SNX13: variants seen among roughly 807,000 people sequenced by gnomAD.
The protein encoded by SNX13 is sorting nexin-13.
SNX13 carries 45 observed loss-of-function variants against 133.6 expected under a neutral mutation model. The observed-to-expected ratio is 0.34, with a 90% CI of 0.27 to 0.43. The LOEUF (loss-of-function observed/expected upper bound fraction) is 0.43, where lower values mean the gene tolerates loss of function less well. SNX13 is among the 20% of genes least tolerant of loss of function. The probability of loss-of-function intolerance (pLI) is 1.00; values close to 1 mark genes in which losing one functional copy is unlikely to be tolerated. For synonymous variants in SNX13, 414 were observed against 373.9 expected, an observed-to-expected ratio of 1.11 and a Z score of -1.24; for missense variants, 1,032 against 1,145.1, an observed-to-expected ratio of 0.90 and a Z score of 1.43.
rs140381912 is a variant in SNX13 at position 17,913,628 on chromosome 7, G to A, written c.13-16182C>T. On this transcript the variant is annotated intron_variant, in intron 1 of 25. Transcript: ENST00000428135. ...TCTGCAACCAAGGAACCCATACAGA[G>A]CCTTGGCCCTCTGAAAGCACCCAGA... is the stretch of plus-strand genomic sequence containing the variant. Among the ~76,000 whole-genome samples the A allele has an allele frequency of 1.6e-3, 241 of 151,968 alleles. 2 individuals are homozygous for A. In the East Asian group the frequency reaches 0.045, roughly 28 times the overall value.
At chr7:17,839,310 T>C (rs1208785855) in intron 13 of SNX13, among the ~76,000 whole-genome samples, 1 of 151,304 alleles carries the variant, frequency 6.6e-6, no homozygotes, top group Non-Finnish European at 1.5e-5. Flanking sequence ...CCTTGATGTT[T>C]TTCTATCTAA....
chr7:17,858,910 T>C (rs1009299646), intron 9 of SNX13, among the ~76,000 whole-genome samples: 1 of 152,106 alleles, frequency 6.6e-6, no homozygotes, highest in Non-Finnish European at 1.5e-5. Flanking sequence ...GATGTCTGTA[T>C]TTTAAAAATC....
intron 16 of SNX13, among the ~76,000 whole-genome samples, chr7:17,829,108 A>C (rs1297366305): frequency 6.6e-6 from 1 of 151,584 alleles, no homozygotes; most frequent in Admixed American, 6.6e-5. Context: ...CAGTAACAGA[A>C]CATTTACTCA....
intron 1 of SNX13, among the ~76,000 whole-genome samples, chr7:17,909,438 A>G (rs1423853127): frequency 6.6e-6 from 1 of 152,220 alleles, no homozygotes; most frequent in Admixed American, 6.5e-5. Flanking sequence ...TAGCAAAAAT[A>G]TGGATTCAAC....
intron 13 of SNX13, among the ~76,000 whole-genome samples, chr7:17,838,238 G>C (rs1379883427): frequency 6.6e-5 from 10 of 151,720 alleles, no homozygotes. Flanking sequence ...CTAAAAATTT[G>C]TCCACTTTAA....
rs763968114 is a variant in SNX13 at position 17,875,547 on chromosome 7, T to C, written c.597A>G (p.Glu199=). The change falls in exon 7 of 26, where the codon GAA becomes GAG. Residue 199 remains glutamate, a synonymous_variant. Coordinates refer to ENST00000428135, the MANE Select transcript of SNX13 (RefSeq NM_015132.5). ...TAEDLVDTFF[E]VEVEMEKEVC... ...CCTCCTTCTCCATTTCAACTTCAAC[T>C]TCAAAGAAGGTATCTACAAGATCTT... The C allele has an allele frequency of 6.2e-7, 1 of 1,611,078 alleles. No individual in the cohort carries two copies. Among genetic ancestry groups the C allele is most frequent in the Non-Finnish European group, 8.5e-7 (1 of 1,179,428 alleles).
chr7:17,886,031 G>A (rs1383753228), intron 5 of SNX13, among the ~76,000 whole-genome samples: 1 of 152,076 alleles, frequency 6.6e-6, no homozygotes, highest in African/African-American at 2.4e-5. Context: ...AAACTTTGTT[G>A]CAAATGTCCA....
At chr7:17,811,635 T>G (rs1786037237) in intron 20 of SNX13, among the ~76,000 whole-genome samples, 1 of 152,146 alleles carries the variant, frequency 6.6e-6, no homozygotes, top group Non-Finnish European at 1.5e-5. Context: ...TTCACAGAAT[T>G]AGAAAAAACT....
At chr7:17,865,492 A>T (rs996590842) in intron 9 of SNX13, among the ~76,000 whole-genome samples, 1 of 152,198 alleles carries the variant, frequency 6.6e-6, no homozygotes, top group African/African-American at 2.4e-5. Flanking sequence ...GACACAAAAA[A>T]AATGAAAAGA....
chr7:17,793,688 C>G lies in SNX13; in HGVS notation c.*357G>C, dbSNP rs1783759577. Reference sequence around the variant, plus strand: ...CAAATTAGCCAATTTATCTCTGAACCATTGTTTTGTGCTTTCCTTAGCTTT... The same window carrying G: ...CAAATTAGCCAATTTATCTCTGAACGATTGTTTTGTGCTTTCCTTAGCTTT... On this transcript the variant is annotated 3_prime_UTR_variant, in exon 26 of 26. Transcript: ENST00000428135. 1 of 173,916 alleles carries G rather than the reference C, an allele frequency of 5.7e-6. No homozygotes were observed. The highest frequency in any genetic ancestry group is 1.2e-5 in the Non-Finnish European group (1 of 81,732). 10.8% of individuals were successfully genotyped at this position (173,916 alleles called of 1,614,324 possible). A position where few individuals can be genotyped will look rare whatever the true frequency, so the allele number is the denominator to read the frequency against.
At chr7:17,882,230 G>T (rs949878677) in intron 5 of SNX13, 2 of 152,112 alleles carry the variant, frequency 1.3e-5, no homozygotes, top group African/African-American at 4.8e-5. Context: ...AAACAATTGT[G>T]TACATCTCTT....
chr7:17,939,507 CAA>C (rs1802513261), intron 1 of SNX13, among the ~76,000 whole-genome samples: 1 of 152,246 alleles, frequency 6.6e-6, no homozygotes, highest in Non-Finnish European at 1.5e-5. Context: ...CTAGTAAAGG[CAA>C]ACTCTACTTC....
chr7:17,832,642 A>C (rs1411459474), intron 15 of SNX13: 1 of 237,984 alleles, frequency 4.2e-6, no homozygotes, highest in African/African-American at 2.3e-5. Flanking sequence ...GTACAGATAT[A>C]TAGAACAAAC....
chr7:17,863,198 T>TA (rs35048755), intron 9 of SNX13, among the ~76,000 whole-genome samples: 93,471 of 151,988 alleles, frequency 0.61, 30,291 homozygotes, highest in African/African-American at 0.82. Context: ...GTGGCTTCAC[T>TA]TGCGCTGACT....
intron 17 of SNX13, among the ~76,000 whole-genome samples, chr7:17,824,431 A>G (rs375858934): frequency 8.5e-5 from 13 of 152,264 alleles, no homozygotes; most frequent in Admixed American, 2.0e-4. Context: ...AGTTGGTAAA[A>G]TAAGTATTTA....
chr7:17,937,422 G>A (rs1249981250), intron 1 of SNX13, among the ~76,000 whole-genome samples: 1 of 149,196 alleles, frequency 6.7e-6, no homozygotes. Context: ...GCTGAAGCAC[G>A]AGAATAGTTT....
chr7:17,868,591 G>C, intron 8 of SNX13, 101 bp from the exon 9 acceptor site: 1 of 840,986 alleles, frequency 1.2e-6, no homozygotes, highest in Non-Finnish European at 1.8e-6. Context: ...AGAAAAGTAT[G>C]ATATACATGT....
intron 8 of SNX13, among the ~76,000 whole-genome samples, chr7:17,871,058 T>C (rs929731434): frequency 2.0e-5 from 3 of 151,232 alleles, no homozygotes; most frequent in Non-Finnish European, 4.4e-5. Flanking sequence ...CAGGCTGGAG[T>C]GCAGTGGCGC....
Position 17,792,091 on chromosome 7 carries a change from G to C in SNX13, c.*1954C>G, listed in dbSNP as rs146442678. The C allele has an allele frequency of 6.6e-6, 1 of 151,958 alleles. No homozygotes were observed. The highest frequency in any genetic ancestry group is 2.4e-5 in the African/African-American group (1 of 41,394). 9.4% of individuals were successfully genotyped at this position (151,958 alleles called of 1,614,324 possible). The stretch of plus-strand genomic sequence containing the variant: ...TAGAAATGCTTTTTCACATGTACAC[G>C]TTAGGGTCTTACATGAATTATTCTG... On this transcript the variant is annotated 3_prime_UTR_variant, in exon 26 of 26. Transcript: ENST00000428135.
Sources: allele counts gnomAD v4.1 joint callset (sites outside exome capture counted in the v4.1 genomes callset), GRCh38; gene constraint gnomAD v4.1.1; transcripts MANE v1.5; gene names NCBI Gene and HGNC (gene_info 2026-07-23, HGNC 2026-07-21).